The following MYO18A variants were observed in gnomAD, a reference collection of about 807,000 sequenced individuals.
The protein encoded by MYO18A is myosin XVIIIA, also known as unconventional myosin-XVIIIa.
In MYO18A, 78 loss-of-function variants were observed where a neutral mutation model predicts 235.8. The observed-to-expected ratio is 0.33, with a 90% confidence interval of 0.28 to 0.40. The LOEUF (loss-of-function observed/expected upper bound fraction) is 0.40, where lower values mean the gene tolerates loss of function less well. Among genes scored for constraint, MYO18A ranks in the 10% least tolerant of loss-of-function variants. The pLI is 1.00. For synonymous variants in MYO18A, 977 were observed against 1,077.8 expected (o/e 0.91, Z 1.83); for missense variants, 2,215 against 2,699.3 (o/e 0.82, Z 3.98).
intron 1 of MYO18A, among the ~76,000 whole-genome samples, chr17:29,175,479 G>A (rs56220857): frequency 2.0e-4 from 30 of 148,948 alleles, no homozygotes; most frequent in African/African-American, 6.9e-4. Flanking sequence ...CCTTCCCACC[G>A]CAGCCTCCTG....
rs2067110579 is a variant in MYO18A at position 29,117,881 on chromosome 17, G to A, written c.2038+164C>T. 12 of 831,146 alleles carry A rather than the reference G, an allele frequency of 1.4e-5. No individual in the cohort carries two copies. Among genetic ancestry groups the A allele is most frequent in the South Asian group, 7.2e-5 (4 of 55,232 alleles). The allele number at this position is 831,146 out of a possible 1,614,324, so 51.5% of individuals were successfully genotyped here. A position where few individuals can be genotyped will look rare whatever the true frequency, so the allele number is the denominator to read the frequency against. ...GTCGTCACTGCCAAAGATGCTTCCC[G>A]GGCCTTCTGCTCTGAAGTGGGGGGC... On this transcript the variant is annotated intron_variant, in intron 10 of 41. Coordinates refer to ENST00000527372, the MANE Select transcript of MYO18A (RefSeq NM_078471.4). This position sits in a 1 kb window ranked among gnomAD's most constrained non-coding sequence, Gnocchi z 4.6.
Position 29,158,807 on chromosome 17 carries a change from G to A in MYO18A, c.999+7135C>T, listed in dbSNP as rs1185324547. On this transcript the variant is annotated intron_variant, in intron 2 of 41. Coordinates refer to ENST00000527372, the MANE Select transcript of MYO18A (RefSeq NM_078471.4). This position sits in a 1 kb window ranked among gnomAD's most constrained non-coding sequence, Gnocchi z 4.3. Reference sequence around the variant, plus strand: ...TTTTAAAATACTTGTGTTCCCACCCGCCACACACTCCCCTTCACCCTACTC... The same window carrying A: ...TTTTAAAATACTTGTGTTCCCACCCACCACACACTCCCCTTCACCCTACTC... Among the ~76,000 whole-genome samples the A allele has an allele frequency of 6.6e-6, 1 of 152,100 alleles. No homozygotes were observed. Among genetic ancestry groups the A allele is most frequent in the African/African-American group, 2.4e-5 (1 of 41,400 alleles).
At chr17:29,124,609 C>A in intron 2 of MYO18A, 1 of 1,246,736 alleles carries the variant, frequency 8.0e-7, no homozygotes, top group Non-Finnish European at 1.0e-6. Context: ...TAGGTGGTCA[C>A]TGGAGGGAGC....
At chr17:29,130,334 T>C (rs1367925265) in intron 2 of MYO18A, among the ~76,000 whole-genome samples, 1 of 108,670 alleles carries the variant, frequency 9.2e-6, no homozygotes, top group Non-Finnish European at 1.9e-5. Flanking sequence ...GAAAAGAAAA[T>C]GATGACAATG....
In MYO18A at chr17:29,096,916, C is replaced by T; in HGVS notation, c.4231-1G>A. ...CACTATCTGCCTGCAGGTCCCCGAG[C>T]TAGGGGCCAAGATGGGGTGCATATA... is the stretch of plus-strand genomic sequence containing the variant. On this transcript the variant is annotated splice_acceptor_variant, in intron 27 of 41. Transcript: ENST00000527372. LOFTEE classifies it high-confidence loss of function. The T allele has an allele frequency of 6.4e-7, 1 of 1,560,980 alleles. No individual in the cohort carries two copies. Among genetic ancestry groups the T allele is most frequent in the Non-Finnish European group, 8.7e-7 (1 of 1,154,220 alleles).
intron 2 of MYO18A, among the ~76,000 whole-genome samples, chr17:29,138,467 CCCAACCTAGCA>C (rs1194298125): frequency 6.6e-6 from 1 of 152,174 alleles, no homozygotes; most frequent in African/African-American, 2.4e-5. Flanking sequence ...TCCTCCCAGT[CCCAACCTAGCA>C]CCAACTTATC....
At chr17:29,096,580 C>G (rs927811257) in intron 28 of MYO18A, among the ~76,000 whole-genome samples, 181 bp downstream of exon 28, 4 of 152,198 alleles carry the variant, frequency 2.6e-5, no homozygotes, top group African/African-American at 9.7e-5. Context: ...GGGGACACAG[C>G]CTGAGTCCAC....
intron 1 of MYO18A, among the ~76,000 whole-genome samples, chr17:29,169,969 G>GGACAGCAGACGGT (rs2068365423): frequency 6.6e-6 from 1 of 152,208 alleles, no homozygotes; most frequent in East Asian, 1.9e-4. Context: ...GCAGCAGGCA[G>GGACAGCAGACGGT]GACAGCAGAC....
chr17:29,164,953 G>A, intron 2 of MYO18A, among the ~76,000 whole-genome samples: 1 of 152,152 alleles, frequency 6.6e-6, no homozygotes, highest in East Asian at 1.9e-4. Context: ...CTCCTTCCAG[G>A]AGAGGTAATA....
chr17:29,097,928 C>A (rs2066560863), intron 25 of MYO18A, 29 bp from the exon 26 acceptor site: 8 of 1,597,550 alleles, frequency 5.0e-6, no homozygotes, highest in Non-Finnish European at 6.8e-6. Context: ...CAGGGTGTGC[C>A]ATTCCATCCC....
At chr17:29,135,098 T>G (rs1378393795) in intron 2 of MYO18A, among the ~76,000 whole-genome samples, 2 of 145,786 alleles carry the variant, frequency 1.4e-5, no homozygotes, top group East Asian at 2.0e-4. Flanking sequence ...AACTGGTTCT[T>G]TTTTTTTTTT....
intron 2 of MYO18A, chr17:29,124,821 GT>G: frequency 1.5e-6 from 1 of 669,664 alleles, no homozygotes; most frequent in Non-Finnish European, 2.1e-6. Flanking sequence ...CGGGGTGAAG[GT>G]GGGGGAGCTT....
At position 29,073,545 on chromosome 17, in the gene MYO18A, C is replaced by T. The variant is rs908895695; in HGVS notation, c.*1225G>A. ...CCAGGAGGAAAAGGGCCTTTATTTC[C>T]ATACATCGGGTAAACAGGGGAGAGC... On this transcript the variant is annotated 3_prime_UTR_variant, in exon 42 of 42. Coordinates refer to ENST00000527372, the MANE Select transcript of MYO18A (RefSeq NM_078471.4). 3 of 269,406 alleles carry T rather than the reference C, an allele frequency of 1.1e-5. No individual in the cohort carries two copies. Among genetic ancestry groups the T allele is most frequent in the Non-Finnish European group, 2.1e-5 (3 of 143,274 alleles). The allele number at this position is 269,406 out of a possible 1,614,324, so 16.7% of individuals were successfully genotyped here. A position where few individuals can be genotyped will look rare whatever the true frequency, so the allele number is the denominator to read the frequency against.
At chr17:29,129,749 A>G (rs1433421364) in intron 2 of MYO18A, among the ~76,000 whole-genome samples, 2 of 152,236 alleles carry the variant, frequency 1.3e-5, no homozygotes, top group Admixed American at 1.3e-4. Context: ...TCTGGATGCC[A>G]CAAGGAGAAG....
chr17:29,107,059 G>C (rs376181086), intron 20 of MYO18A, 21 bp downstream of exon 20: 2 of 1,607,922 alleles, frequency 1.2e-6, no homozygotes, highest in East Asian at 2.2e-5. Flanking sequence ...GAGGGAGAGC[G>C]GTCTGGGGAC....
chr17:29,122,332 A>T (rs1278099195), intron 2 of MYO18A, 79 bp from the exon 3 acceptor site: 1 of 1,346,324 alleles, frequency 7.4e-7, no homozygotes, highest in Admixed American at 2.0e-5. Flanking sequence ...GAGACAAGTG[A>T]GGGCATGGGC....
chr17:29,118,406 T>G lies in MYO18A; in HGVS notation c.1864A>C (p.Asn622His). Residue 622 changes from asparagine (N) to histidine (H), a missense_variant, in exon 9 of 42, where the codon AAT becomes CAT. By Grantham distance (68) the Asn-to-His change is moderately conservative. Transcript: ENST00000527372. This position sits in a 1 kb window ranked among gnomAD's most constrained non-coding sequence, Gnocchi z 4.2. Reference sequence around the variant, plus strand: ...GCCAGTGGCACAATCCCAAACACATTGTTCTCTGCCAAGTGGTTGAGGTGG... The same window carrying G: ...GCCAGTGGCACAATCCCAAACACATGGTTCTCTGCCAAGTGGTTGAGGTGG... ...ELHLNHLAEN[N>H]VFGIVPLAKP... is the part of the protein sequence containing the mutation. 1.2e-6 allele frequency: 2 copies of G among 1,606,936 alleles called. No homozygotes were observed. Among genetic ancestry groups the G allele is most frequent in the Non-Finnish European group, 1.7e-6 (2 of 1,174,630 alleles).
At chr17:29,178,583 A>C (rs910043997) in intron 1 of MYO18A, among the ~76,000 whole-genome samples, 38 of 152,164 alleles carry the variant, frequency 2.5e-4, no homozygotes, top group Admixed American at 2.0e-4. Context: ...AACCAGGAGG[A>C]TGTTTCCTGG....
intron 2 of MYO18A, chr17:29,124,559 C>T (rs530722790): frequency 1.1e-5 from 11 of 995,788 alleles, no homozygotes; most frequent in African/African-American, 1.7e-5. Flanking sequence ...CAGCAGGAGG[C>T]CCGAGCACAG....
Sources: allele counts gnomAD v4.1 joint callset (sites outside exome capture counted in the v4.1 genomes callset), GRCh38; gene constraint gnomAD v4.1.1; non-coding constraint Gnocchi (gnomAD v3.1); transcripts MANE v1.5; gene names NCBI Gene and HGNC (gene_info 2026-07-23, HGNC 2026-07-21).